Variants in NCOA2 observed in about 807,000 individuals in gnomAD.
NCOA2 encodes the protein nuclear receptor coactivator 2.
NCOA2 carries 21 observed loss-of-function variants against 145.1 expected under a neutral mutation model. That is an observed-to-expected ratio of 0.14 (90% CI 0.10 to 0.21). The LOEUF (loss-of-function observed/expected upper bound fraction) is 0.21. NCOA2 is among the 10% of genes least tolerant of loss of function. The pLI is 1.00. For missense variants in NCOA2, 1,472 were observed against 1,837.6 expected, an observed-to-expected ratio of 0.80 and a Z score of 3.64; for synonymous variants, 619 against 637.5, an observed-to-expected ratio of 0.97 and a Z score of 0.44.
At position 70,274,205 on chromosome 8, in the gene NCOA2, GAAAAAAA is replaced by G. The variant is rs201704083; in HGVS notation, c.-20+22532_-20+22538del. ...AGGTGGTATAAAGTTCTCATGTTTG[GAAAAAAA>G]AAAAAAAAAACCTTACATCAGGGAC... On this transcript the variant is annotated intron_variant, in intron 2 of 22. Transcript: ENST00000452400. Among the ~76,000 whole-genome samples, 8 of 112,174 alleles carry G rather than the reference GAAAAAAA, an allele frequency of 7.1e-5. No individual in the cohort carries two copies. In the East Asian group the frequency reaches 1.9e-3, roughly 26 times the overall value. The allele number at this position is 112,174 out of a possible 152,430, so 73.6% of individuals were successfully genotyped here.
At chr8:70,159,218 A>ATTATATATATATATATATATAT in intron 10 of NCOA2, among the ~76,000 whole-genome samples, 1 of 112,986 alleles carries the variant, frequency 8.9e-6, no homozygotes, top group African/African-American at 3.8e-5. Flanking sequence ...AATACAGTAT[A>ATTATATATATATATATATATAT]ACATTATATA....
chr8:70,296,198 A>G (rs1452226516), intron 2 of NCOA2, among the ~76,000 whole-genome samples: 1 of 152,202 alleles, frequency 6.6e-6, no homozygotes, highest in Non-Finnish European at 1.5e-5. Flanking sequence ...ATATCACATG[A>G]TCATAAATAT....
Position 70,363,252 on chromosome 8 carries a change from G to A in NCOA2, c.-77+40448C>T, listed in dbSNP as rs560373602. On this transcript the variant is annotated intron_variant, in intron 1 of 22. Coordinates refer to ENST00000452400, the MANE Select transcript of NCOA2 (RefSeq NM_006540.4). Reference sequence around the variant, plus strand: ...CATAAAATTAGCCGGACGTGGTGGCGGGCGCCTGTAGTCCCAGCTACTCGG... The same window carrying A: ...CATAAAATTAGCCGGACGTGGTGGCAGGCGCCTGTAGTCCCAGCTACTCGG... Among the ~76,000 whole-genome samples, 307 of 151,698 alleles carry A rather than the reference G, an allele frequency of 2.0e-3. 1 individual carries two copies. Among genetic ancestry groups the A allele is most frequent in the African/African-American group, 7.1e-3 (294 of 41,374 alleles).
At chr8:70,341,082 G>GAAAAAAAAAAAAA (rs3085558) in intron 1 of NCOA2, among the ~76,000 whole-genome samples, 6 of 105,060 alleles carry the variant, frequency 5.7e-5, no homozygotes, top group African/African-American at 1.9e-4. Flanking sequence ...TTAAAAAGTT[G>GAAAAAAAAAAAAA]AAAAAAAAAA....
chr8:70,126,218 A>G (rs1808396482), intron 19 of NCOA2, among the ~76,000 whole-genome samples: 1 of 152,228 alleles, frequency 6.6e-6, no homozygotes, highest in African/African-American at 2.4e-5. Flanking sequence ...ATTAATGTTC[A>G]TGACATTACA....
At chr8:70,429,718 G>T in the NCOA2 span, among the ~76,000 whole-genome samples, 1 of 152,104 alleles carries the variant, frequency 6.6e-6, no homozygotes, top group Non-Finnish European at 1.5e-5. Context: ...AATCTCAATC[G>T]TCAATTTCAA....
At chr8:70,273,941 G>T in intron 2 of NCOA2, 1 of 387,958 alleles carries the variant, frequency 2.6e-6, no homozygotes, top group Non-Finnish European at 5.0e-6. Flanking sequence ...AGAAATTTTT[G>T]TTTATGGGTC....
At chr8:70,137,069 C>T (rs946827215) in intron 15 of NCOA2, among the ~76,000 whole-genome samples, 3 of 152,294 alleles carry the variant, frequency 2.0e-5, no homozygotes, top group East Asian at 1.9e-4. Flanking sequence ...ACTGGAGTTT[C>T]GCTCTTGTTG....
chr8:70,246,172 T>C (rs1028819913), intron 2 of NCOA2, among the ~76,000 whole-genome samples: 3 of 152,126 alleles, frequency 2.0e-5, no homozygotes, highest in African/African-American at 7.2e-5. Context: ...GGCTGCTCCA[T>C]GTTTTTTTTA....
chr8:70,292,990 A>G (rs894549302), intron 2 of NCOA2, among the ~76,000 whole-genome samples: 1 of 152,214 alleles, frequency 6.6e-6, no homozygotes, highest in Non-Finnish European at 1.5e-5. Context: ...CTGTGAGACC[A>G]GGATCGTGAT....
intron 2 of NCOA2, among the ~76,000 whole-genome samples, chr8:70,221,429 T>A (rs915015786): frequency 1.3e-5 from 2 of 152,158 alleles, no homozygotes; most frequent in African/African-American, 4.8e-5. Context: ...CCAAGAGCGA[T>A]CCCTTTATAA....
At chr8:70,339,509 A>T (rs868641234) in intron 1 of NCOA2, among the ~76,000 whole-genome samples, 1 of 152,214 alleles carries the variant, frequency 6.6e-6, no homozygotes, top group African/African-American at 2.4e-5. Flanking sequence ...CATACTGCCC[A>T]AAGTAATTTA....
At chr8:70,240,574 A>G (rs143785425) in intron 2 of NCOA2, among the ~76,000 whole-genome samples, 1 of 152,180 alleles carries the variant, frequency 6.6e-6, no homozygotes, top group East Asian at 1.9e-4. Flanking sequence ...GGAACGCTAT[A>G]GAGGGTTCCG....
chr8:70,138,988 C>G (rs952512235), intron 14 of NCOA2, among the ~76,000 whole-genome samples: 9 of 152,248 alleles, frequency 5.9e-5, no homozygotes, highest in Non-Finnish European at 1.0e-4. Flanking sequence ...GACTCTCTGA[C>G]TGGGAATCAG....
chr8:70,264,756 C>T (rs1191290885), intron 2 of NCOA2, among the ~76,000 whole-genome samples: 1 of 151,730 alleles, frequency 6.6e-6, no homozygotes, highest in Non-Finnish European at 1.5e-5. Flanking sequence ...AAGAGAAAAA[C>T]TGATAAATTG....
At chr8:70,222,732 T>C (rs1166343840) in intron 2 of NCOA2, among the ~76,000 whole-genome samples, 1 of 152,192 alleles carries the variant, frequency 6.6e-6, no homozygotes, top group African/African-American at 2.4e-5. Flanking sequence ...TGTTCACTGG[T>C]TACACAAATA....
At chr8:70,159,236 A>ATGTATATATATGTATATATATATATG (rs1554578474) in intron 10 of NCOA2, among the ~76,000 whole-genome samples, 1 of 16,046 alleles carries the variant, frequency 6.2e-5, no homozygotes, top group African/African-American at 1.4e-4. Flanking sequence ...ATATATATAT[A>ATGTATATATATGTATATATATATATG]TATATATTTT....
the NCOA2 span, among the ~76,000 whole-genome samples, chr8:70,452,565 C>T: frequency 6.6e-6 from 1 of 152,006 alleles, no homozygotes; most frequent in Non-Finnish European, 1.5e-5. Context: ...AATGGGGAGT[C>T]ACTGCTTAAT....
intron 13 of NCOA2, among the ~76,000 whole-genome samples, chr8:70,143,853 G>A (rs1810732444): frequency 6.6e-6 from 1 of 152,230 alleles, no homozygotes; most frequent in Non-Finnish European, 1.5e-5. Context: ...GAGGAAGAAA[G>A]CTATAAACTG....
Sources: allele counts gnomAD v4.1 joint callset (sites outside exome capture counted in the v4.1 genomes callset), GRCh38; gene constraint gnomAD v4.1.1; transcripts MANE v1.5; gene names NCBI Gene and HGNC (gene_info 2026-07-23, HGNC 2026-07-21).